Variants in CCDC9 observed in about 807,000 individuals in gnomAD.
CCDC9 encodes the protein coiled-coil domain-containing protein 9.
In CCDC9, 52 loss-of-function variants were observed where a neutral mutation model predicts 65.6. That is an observed-to-expected ratio of 0.79 (90% CI 0.63 to 1.00). CCDC9 has a LOEUF of 1.00. Among genes scored for constraint, CCDC9 ranks in the 50% least tolerant of loss-of-function variants. CCDC9 has a pLI of 0.00. For synonymous variants in CCDC9, 332 were observed against 280.3 expected (o/e 1.18, Z -1.84); for missense variants, 834 against 757.2 (o/e 1.10, Z -1.19).
intron 3 of CCDC9, 123 bp from the exon 4 acceptor site, chr19:47,260,197 TC>T: frequency 1.5e-6 from 1 of 675,272 alleles, no homozygotes. Context: ...TGAGCGGCCT[TC>T]TTGTTCAGAG....
chr19:47,264,753 C>G lies in CCDC9; in HGVS notation c.547-20C>G. 1 of 1,605,982 alleles carries G rather than the reference C, an allele frequency of 6.2e-7. No homozygotes were observed. The highest frequency in any genetic ancestry group is 8.5e-7 in the Non-Finnish European group (1 of 1,176,394). On this transcript the variant is annotated intron_variant, in intron 6 of 11. Transcript: ENST00000221922. ...GGGCTGCGGGGAGCCCGCGCCAACC[C>G]CCTGCTCTGCTGCCTGCAGGAAGGG...
intron 7 of CCDC9, 22 bp downstream of exon 7, chr19:47,264,968 A>G: frequency 7.0e-7 from 1 of 1,431,032 alleles, no homozygotes; most frequent in African/African-American, 1.4e-5. Flanking sequence ...CAGTGAGGAC[A>G]CCTCGGGGCT....
chr19:47,275,232 C>G (rs1014787705), downstream of CCDC9: 1 of 1,534,660 alleles, frequency 6.5e-7, no homozygotes, highest in Admixed American at 2.0e-5. Flanking sequence ...CGGGCCGCGA[C>G]CCCAGCTCCA....
intron 3 of CCDC9, 99 bp from the exon 4 acceptor site, chr19:47,260,222 C>A: frequency 2.4e-6 from 2 of 816,670 alleles, no homozygotes; most frequent in South Asian, 3.1e-5. Context: ...AGGAGAGAGG[C>A]CTGGGCTGGG....
In CCDC9 at chr19:47,258,391, A is replaced by T; in HGVS notation, c.-10A>T. Reference sequence around the variant, plus strand: ...GTTTGCTGGGACCTTGGCTCCACGCAGCCAGCGAAATGGTGAGGCTGAAAA... The same window carrying T: ...GTTTGCTGGGACCTTGGCTCCACGCTGCCAGCGAAATGGTGAGGCTGAAAA... On this transcript the variant is annotated 5_prime_UTR_variant, in exon 2 of 12. Transcript: ENST00000221922. 6.2e-7 allele frequency: 1 copy of T among 1,614,006 alleles called. No homozygotes were observed.
At chr19:47,265,792 A>T (rs2059077927) in intron 7 of CCDC9, among the ~76,000 whole-genome samples, 1 of 148,348 alleles carries the variant, frequency 6.7e-6, no homozygotes, top group Non-Finnish European at 1.5e-5. Flanking sequence ...GGTTCACACC[A>T]TTCTCCTGCC....
chr19:47,265,921 C>T (rs1030392577), intron 7 of CCDC9, among the ~76,000 whole-genome samples: 3 of 147,094 alleles, frequency 2.0e-5, no homozygotes, highest in South Asian at 2.2e-4. Flanking sequence ...CTCCTGACCT[C>T]GTGATCTGCC....
chr19:47,270,758 C>T, intron 10 of CCDC9, 70 bp downstream of exon 10: 2 of 1,476,420 alleles, frequency 1.4e-6, no homozygotes, highest in Non-Finnish European at 1.8e-6. Flanking sequence ...CTTTGGCTTG[C>T]TGTGAAGGTG....
intron 8 of CCDC9, 127 bp from the exon 9 acceptor site, chr19:47,270,280 C>T (rs1043902181): frequency 4.5e-6 from 4 of 881,750 alleles, no homozygotes; most frequent in Admixed American, 4.1e-5. Context: ...TGTCCTACTT[C>T]TAGTGTCCCC....
downstream of CCDC9, chr19:47,274,485 G>A (rs1180638612): frequency 5.1e-5 from 8 of 155,552 alleles, no homozygotes; most frequent in African/African-American, 1.9e-4. Flanking sequence ...CACTGGAGTA[G>A]AGCAGTCCGA....
chr19:47,275,052 G>A (rs1360053657), downstream of CCDC9: 4 of 1,493,526 alleles, frequency 2.7e-6, no homozygotes, highest in Non-Finnish European at 3.6e-6. Flanking sequence ...GCTAGCTGCC[G>A]TGCTGCTCGC....
intron 5 of CCDC9, among the ~76,000 whole-genome samples, chr19:47,262,680 C>T (rs1010662014): frequency 2.6e-5 from 4 of 152,264 alleles, no homozygotes; most frequent in Admixed American, 1.3e-4. Flanking sequence ...GACACCTGGT[C>T]ATACCTAACC....
Position 47,264,633 on chromosome 19 carries a change from G to C in CCDC9, c.493G>C (p.Glu165Gln). Reference sequence around the variant, plus strand: ...GGAGGAGCGGCGCAGGCAGAACATTGAGAAGATGAATGAGGAGATGGAGAA... The same window carrying C: ...GGAGGAGCGGCGCAGGCAGAACATTCAGAAGATGAATGAGGAGATGGAGAA... The part of the protein sequence containing the change: ...EWEERRRQNI[E>Q]KMNEEMEKIA... The change falls in exon 6 of 12, where the codon GAG becomes CAG. Residue 165 changes from glutamate (E) to glutamine (Q), a missense_variant. Physicochemically the swap from Glu to Gln is conservative, Grantham distance 29. Coordinates refer to ENST00000221922, the MANE Select transcript of CCDC9 (RefSeq NM_015603.3). 1 of 1,603,912 alleles carries C rather than the reference G, an allele frequency of 6.2e-7. No homozygotes were observed. The highest frequency in any genetic ancestry group is 2.3e-5 in the East Asian group (1 of 44,440).
intron 3 of CCDC9, among the ~76,000 whole-genome samples, chr19:47,259,680 G>C (rs1006199863): frequency 6.6e-6 from 1 of 152,198 alleles, no homozygotes; most frequent in Admixed American, 6.5e-5. Flanking sequence ...AATTTCCCTT[G>C]TGGGCCAGGC....
chr19:47,257,239 C>A (rs2059016331), intron 1 of CCDC9, among the ~76,000 whole-genome samples: 1 of 147,812 alleles, frequency 6.8e-6, no homozygotes, highest in Non-Finnish European at 1.5e-5. Context: ...GGGGCGTGTC[C>A]AGGAGGTTGG....
Position 47,271,825 on chromosome 19 carries a change from C to T in CCDC9, c.*147C>T, listed in dbSNP as rs1371454170. 6 of 1,428,146 alleles carry T rather than the reference C, an allele frequency of 4.2e-6. No homozygotes were observed. Among genetic ancestry groups the T allele is most frequent in the African/African-American group, 2.9e-5 (2 of 69,808 alleles). The allele number at this position is 1,428,146 out of a possible 1,614,324, so 88.5% of individuals were successfully genotyped here. ...CCTGGGACCCAGTGTGCCCCACAGC[C>T]CTGTCAGCTGAGGGGGTAGCGCAGC... On this transcript the variant is annotated 3_prime_UTR_variant, in exon 12 of 12. Transcript: ENST00000221922.
At chr19:47,269,947 C>T (rs778150902) in intron 8 of CCDC9, among the ~76,000 whole-genome samples, 10 of 151,586 alleles carry the variant, frequency 6.6e-5, no homozygotes, top group Admixed American at 2.6e-4. Context: ...AAATTTGCCT[C>T]TTGCCCATCA....
At chr19:47,257,348 C>G (rs1302427335) in intron 1 of CCDC9, among the ~76,000 whole-genome samples, 1 of 147,914 alleles carries the variant, frequency 6.8e-6, no homozygotes, top group Non-Finnish European at 1.5e-5. Flanking sequence ...TAGGCTGTTG[C>G]CTGCGAGCCA....
intron 8 of CCDC9, among the ~76,000 whole-genome samples, chr19:47,268,921 AAATAATAAT>A (rs200348472): frequency 1.3e-5 from 2 of 150,768 alleles, no homozygotes; most frequent in Non-Finnish European, 3.0e-5. Context: ...CCGTTTCAAA[AAATAATAAT>A]AATAATAATA....
Sources: gnomAD v4.1 joint callset for allele counts (sites outside exome capture counted in the v4.1 genomes callset) on GRCh38, gnomAD v4.1.1 for gene constraint, MANE v1.5 for transcripts, NCBI Gene and HGNC (gene_info 2026-07-23, HGNC 2026-07-21) for gene names.